The following VPS41 variants were observed in gnomAD, a reference collection of about 807,000 sequenced individuals.
VPS41 encodes VPS41 subunit of HOPS complex, also known as vacuolar protein sorting-associated protein 41 homolog.
A neutral mutation model predicts 130.9 loss-of-function variants in VPS41; 85 were observed. The ratio of observed to expected loss-of-function variants is 0.65; its 90% CI spans 0.55 to 0.78. The LOEUF is 0.78. Among genes scored for constraint, VPS41 ranks in the 30% least tolerant of loss-of-function variants. The pLI is 0.00. For missense variants in VPS41, 874 were observed against 1,018.7 expected, an observed-to-expected ratio of 0.86 and a Z score of 1.93; for synonymous variants, 335 against 332.9, an observed-to-expected ratio of 1.01 and a Z score of -0.07.
rs547723889 is a variant in VPS41 at position 38,859,629 on chromosome 7, A to T, written c.246+2916T>A. On this transcript the variant is annotated intron_variant, in intron 4 of 28. Transcript: ENST00000310301. ...GTCTAGAAGCAACAGGCTATACCATACAGCCTAAGTGTACAGTAGGCTGTA... is the reference window on the plus strand; with the variant it reads ...GTCTAGAAGCAACAGGCTATACCATTCAGCCTAAGTGTACAGTAGGCTGTA... Among the ~76,000 whole-genome samples, 23 of 152,306 alleles carry T rather than the reference A, an allele frequency of 1.5e-4. No homozygotes were observed. The East Asian group carries it at 4.4e-3, about 29-fold the overall frequency.
chr7:38,828,728 T>C (rs1785328324), intron 5 of VPS41, among the ~76,000 whole-genome samples: 1 of 152,162 alleles, frequency 6.6e-6, no homozygotes, highest in Admixed American at 6.5e-5. Flanking sequence ...AAATATATCA[T>C]GGTTCCACAC....
At position 38,752,266 on chromosome 7, in the gene VPS41, G is replaced by T; in HGVS notation, c.1836C>A (p.Tyr612Ter). The T allele has an allele frequency of 1.9e-6, 3 of 1,613,884 alleles. No individual in the cohort carries two copies. In the South Asian group the frequency reaches 3.3e-5, roughly 18 times the overall value. The part of the protein sequence containing the change: ...FKRDHHKGQR[Y>*]HEKQISLYAE... ...CATAAAGACTGATCTGTTTTTCATG[G>T]TAACGCTGCCCCTTATGGTGGTCTC... The change falls in exon 22 of 29, where the codon TAC becomes TAA. Residue 612 changes from tyrosine to a stop codon, truncating the protein, a stop_gained. Transcript: ENST00000310301. LOFTEE classifies it high-confidence loss of function.
intron 4 of VPS41, among the ~76,000 whole-genome samples, chr7:38,834,533 TATA>T (rs910813322): frequency 1.3e-5 from 2 of 152,116 alleles, no homozygotes; most frequent in African/African-American, 4.8e-5. Context: ...TAAAGGTCAG[TATA>T]GTGGTTACCT....
Position 38,763,439 on chromosome 7 carries a change from C to A in VPS41, c.1422+16G>T. On this transcript the variant is annotated intron_variant, in intron 17 of 28. Coordinates refer to ENST00000310301, the MANE Select transcript of VPS41 (RefSeq NM_014396.4). The stretch of plus-strand genomic sequence containing the variant: ...CATCGAGAACAAGTAAATATGACCA[C>A]ATCAGAACACCATACCTCATAATCA... The A allele has an allele frequency of 1.3e-6, 2 of 1,546,134 alleles. No individual in the cohort carries two copies. The highest frequency in any genetic ancestry group is 2.3e-5 in the East Asian group (1 of 43,492).
At chr7:38,894,150 TAC>T in intron 2 of VPS41, among the ~76,000 whole-genome samples, 1 of 152,164 alleles carries the variant, frequency 6.6e-6, no homozygotes, top group East Asian at 1.9e-4. Flanking sequence ...GTTTAACAGT[TAC>T]AAAACACGAG....
intron 4 of VPS41, among the ~76,000 whole-genome samples, chr7:38,855,007 G>A (rs568698647): frequency 4.0e-4 from 60 of 151,786 alleles, no homozygotes; most frequent in Non-Finnish European, 6.6e-4. Context: ...TCAAGAGATC[G>A]AGACCATCCT....
chr7:38,816,736 C>A (rs1289633899), intron 7 of VPS41, among the ~76,000 whole-genome samples: 1 of 152,042 alleles, frequency 6.6e-6, no homozygotes, highest in African/African-American at 2.4e-5. Flanking sequence ...GAAAGTTTTT[C>A]TCTCTTATTT....
intron 9 of VPS41, among the ~76,000 whole-genome samples, chr7:38,791,990 A>G (rs1208778075): frequency 1.3e-5 from 2 of 152,114 alleles, no homozygotes; most frequent in African/African-American, 4.8e-5. Context: ...TAATCCAGAG[A>G]TGAGGACACT....
intron 4 of VPS41, among the ~76,000 whole-genome samples, chr7:38,855,461 A>C (rs912742190): frequency 6.6e-6 from 1 of 152,198 alleles, no homozygotes; most frequent in Non-Finnish European, 1.5e-5. Context: ...AAAGCAACAA[A>C]AGGTCAGCAA....
intron 4 of VPS41, among the ~76,000 whole-genome samples, chr7:38,861,317 G>A (rs758306415): frequency 7.2e-5 from 11 of 152,116 alleles, no homozygotes; most frequent in Non-Finnish European, 1.3e-4. Context: ...CTTTTTTAAA[G>A]GTGAGGGGGC....
Position 38,724,079 on chromosome 7 carries a change from C to T in VPS41, c.*2167G>A, listed in dbSNP as rs1395838748. On this transcript the variant is annotated 3_prime_UTR_variant, in exon 29 of 29. Coordinates refer to ENST00000310301, the MANE Select transcript of VPS41 (RefSeq NM_014396.4). ...AGCAATTTCTGAAATGATAAACGAA[C>T]ATATTTTATTATTTTCCTTTTAAAT... is the stretch of plus-strand genomic sequence containing the variant. 1 of 152,088 alleles carries T rather than the reference C, an allele frequency of 6.6e-6. No individual in the cohort carries two copies. The highest frequency in any genetic ancestry group is 2.4e-5 in the African/African-American group (1 of 41,402). The allele number at this position is 152,088 out of a possible 1,614,324, so 9.4% of individuals were successfully genotyped here.
chr7:38,828,311 CA>C (rs35064928), intron 5 of VPS41, among the ~76,000 whole-genome samples: 141,082 of 151,988 alleles, frequency 0.93, 65,638 homozygotes, highest in East Asian at 0.99. Flanking sequence ...AAAGTCATGA[CA>C]AAAAAAAGAT....
chr7:38,824,346 T>C (rs1346433213), intron 5 of VPS41, among the ~76,000 whole-genome samples: 1 of 152,158 alleles, frequency 6.6e-6, no homozygotes, highest in Admixed American at 6.5e-5. Flanking sequence ...ACTCAAACTT[T>C]CTGGTGAGGC....
chr7:38,854,873 G>C (rs1180554637), intron 4 of VPS41, among the ~76,000 whole-genome samples: 1 of 151,526 alleles, frequency 6.6e-6, no homozygotes, highest in Non-Finnish European at 1.5e-5. Flanking sequence ...AAGCAAAGTG[G>C]AGGTAACACA....
At chr7:38,786,556 A>C (rs1784442933) in intron 10 of VPS41, among the ~76,000 whole-genome samples, 1 of 152,224 alleles carries the variant, frequency 6.6e-6, no homozygotes, top group Non-Finnish European at 1.5e-5. Flanking sequence ...GATACGTAAT[A>C]AAGCAAATAT....
chr7:38,869,342 A>ATCTC, intron 2 of VPS41, 89 bp from the exon 3 acceptor site: 7 of 825,620 alleles, frequency 8.5e-6, no homozygotes, highest in Non-Finnish European at 1.4e-5. Flanking sequence ...AGAACCAGAG[A>ATCTC]TGGTTCCTTC....
Position 38,904,530 on chromosome 7 carries a change from G to A in VPS41, c.21+4624C>T, listed in dbSNP as rs73696322. Among the ~76,000 whole-genome samples, 899 of 152,218 alleles carry A rather than the reference G, an allele frequency of 5.9e-3. 8 individuals are homozygous for A. The highest frequency in any genetic ancestry group is 0.02 in the African/African-American group (833 of 41,558). On this transcript the variant is annotated intron_variant, in intron 1 of 28. Coordinates refer to ENST00000310301, the MANE Select transcript of VPS41 (RefSeq NM_014396.4). The stretch of plus-strand genomic sequence containing the variant: ...TGTAAGAAAAGAGAATTGTGCATAC[G>A]TAAGCCAAGTCCAGGTTTCGATGAT...
chr7:38,860,397 C>G (rs529451095), intron 4 of VPS41, among the ~76,000 whole-genome samples: 5 of 152,032 alleles, frequency 3.3e-5, no homozygotes, highest in African/African-American at 9.6e-5. Context: ...AGAAAACCAC[C>G]AAGACAGTAT....
chr7:38,818,570 C>T (rs1245555539), intron 6 of VPS41, among the ~76,000 whole-genome samples: 33 of 152,224 alleles, frequency 2.2e-4, no homozygotes, highest in Non-Finnish European at 4.4e-5. Context: ...TTTATGATTA[C>T]ATAACATCAT....
Sources: gnomAD v4.1 joint callset for allele counts (sites outside exome capture counted in the v4.1 genomes callset) on GRCh38, gnomAD v4.1.1 for gene constraint, MANE v1.5 for transcripts, NCBI Gene and HGNC (gene_info 2026-07-23, HGNC 2026-07-21) for gene names.